The following HLCS variants were observed in gnomAD, a reference collection of about 807,000 sequenced individuals.
HLCS encodes the protein biotin--protein ligase.
Under a neutral mutation model 75.0 loss-of-function variants are expected in HLCS, and 53 were observed. That is an observed-to-expected ratio of 0.71 (90% CI 0.57 to 0.89). The LOEUF is 0.89. Among genes scored for constraint, HLCS ranks in the 40% least tolerant of loss-of-function variants. The pLI is 0.00. For missense variants in HLCS, 966 were observed against 1,074.0 expected (o/e 0.90, Z 1.41); for synonymous variants, 431 against 428.6 (o/e 1.01, Z -0.07).
At chr21:36,984,217 C>T (rs1312008901) in intron 1 of HLCS, among the ~76,000 whole-genome samples, 1 of 25,092 alleles carries the variant, frequency 4.0e-5, no homozygotes, top group Non-Finnish European at 1.4e-4. Flanking sequence ...GAGTAGTCCC[C>T]CCTTATCCAC....
In HLCS at chr21:36,989,030, A is replaced by AT. The variant is rs915959020; in HGVS notation, c.-393+1127dup. On this transcript the variant is annotated intron_variant, in intron 1 of 11. Transcript: ENST00000336648. ...TTTCCTTTTAATTTTATTTTATTTT[A>AT]TTTATTTATTTATTTATTTTTTTTG... is the stretch of plus-strand genomic sequence containing the variant. 2.7e-3 allele frequency among the ~76,000 whole-genome samples: 364 copies of AT among 134,178 alleles called. 2 individuals carry two copies. Among genetic ancestry groups the AT allele is most frequent in the African/African-American group, 9.8e-3 (337 of 34,284 alleles). 88.0% of individuals were successfully genotyped at this position (134,178 alleles called of 152,430 possible).
intron 6 of HLCS, among the ~76,000 whole-genome samples, chr21:36,809,159 A>G (rs969865162): frequency 2.6e-5 from 4 of 152,058 alleles, no homozygotes. Flanking sequence ...GATTGCAGTG[A>G]GCCGACATCA....
chr21:36,870,794 G>T (rs2063741594), intron 6 of HLCS, among the ~76,000 whole-genome samples: 2 of 152,166 alleles, frequency 1.3e-5, no homozygotes, highest in Admixed American at 6.5e-5. Flanking sequence ...AGAAGAAAAT[G>T]TTCCTAACTC....
At chr21:36,888,446 ATATATATATATATATAT>A (rs1250967720) in intron 6 of HLCS, among the ~76,000 whole-genome samples, 1,561 of 70,406 alleles carry the variant, frequency 0.022, 142 homozygotes, top group Non-Finnish European at 0.027. Context: ...AAAAAAAAAA[ATATATATATATATATAT>A]ATATATATAT....
rs778750351 is a variant in HLCS, at chr21:36,765,115, A to T, written c.2018T>A (p.Ile673Asn). Reference protein sequence around the residue: ...PVGCALSTLLISIPLRSQLGQ... With the variant: ...PVGCALSTLLNSIPLRSQLGQ... ...CAGCTGGGATCTCAGTGGAATGGAG[A>T]TGAGCAGAGTAGAAAGAGCACATCC... The change falls in exon 8 of 11, where the codon ATC becomes AAC. Residue 673 changes from isoleucine (I) to asparagine (N), a missense_variant. Ile to Asn is a moderately radical substitution (Grantham distance 149). Coordinates refer to ENST00000674895, the MANE Select transcript of HLCS (RefSeq NM_001352514.2). 6.2e-7 allele frequency: 1 copy of T among 1,614,194 alleles called. No individual in the cohort carries two copies. Among genetic ancestry groups the T allele is most frequent in the Admixed American group, 1.7e-5 (1 of 60,026 alleles).
chr21:36,912,764 C>G (rs1045572616), intron 5 of HLCS, among the ~76,000 whole-genome samples: 6 of 152,228 alleles, frequency 3.9e-5, no homozygotes, highest in African/African-American at 1.2e-4. Flanking sequence ...AGCCACCCCC[C>G]CCAACCCCTG....
chr21:36,790,382 G>A (rs940515135), intron 6 of HLCS, among the ~76,000 whole-genome samples: 1 of 152,128 alleles, frequency 6.6e-6, no homozygotes, highest in Admixed American at 6.5e-5. Context: ...CCAGCCTGGC[G>A]ATGGAGTGGG....
At chr21:36,895,868 TC>T (rs2064991376) in intron 6 of HLCS, among the ~76,000 whole-genome samples, 2 of 152,198 alleles carry the variant, frequency 1.3e-5, no homozygotes, top group Admixed American at 6.6e-5. Context: ...TGTTATTCCC[TC>T]CCTCTATAAC....
intron 1 of HLCS, chr21:36,975,043 GC>G (rs1409652156): frequency 1.3e-5 from 2 of 151,974 alleles, no homozygotes; most frequent in Admixed American, 6.6e-5. Context: ...AGTCCTCATG[GC>G]CAGCTCTGGC....
At chr21:36,954,404 G>A (rs1455686281) in intron 2 of HLCS, among the ~76,000 whole-genome samples, 2 of 150,416 alleles carry the variant, frequency 1.3e-5, no homozygotes, top group East Asian at 4.0e-4. Flanking sequence ...CACGAGGTCA[G>A]GAGATCGAGA....
intron 6 of HLCS, among the ~76,000 whole-genome samples, chr21:36,776,164 A>G (rs1383182561): frequency 6.6e-6 from 1 of 152,230 alleles, no homozygotes; most frequent in Non-Finnish European, 1.5e-5. Flanking sequence ...GAAAAGTTAC[A>G]GGAAGAGTAC....
intron 6 of HLCS, among the ~76,000 whole-genome samples, chr21:36,870,957 T>C (rs2063748795): frequency 6.6e-6 from 1 of 152,166 alleles, no homozygotes; most frequent in Admixed American, 6.5e-5. Flanking sequence ...TGAGCAATTA[T>C]AGAGTAAAAT....
At chr21:36,985,769 G>GA (rs781350642) in intron 1 of HLCS, among the ~76,000 whole-genome samples, 265 of 116,650 alleles carry the variant, frequency 2.3e-3, no homozygotes, top group African/African-American at 2.5e-3. Context: ...TGGTCTTGGG[G>GA]AAAAAAAAAA....
intron 6 of HLCS, among the ~76,000 whole-genome samples, chr21:36,878,175 C>CA (rs2064060089): frequency 1.3e-5 from 2 of 151,872 alleles, no homozygotes; most frequent in Non-Finnish European, 2.9e-5. Context: ...ATTTTTTTTC[C>CA]ATCTCTCCTA....
chr21:36,881,418 G>C (rs1390362089), intron 6 of HLCS, among the ~76,000 whole-genome samples: 1 of 152,180 alleles, frequency 6.6e-6, no homozygotes, highest in Non-Finnish European at 1.5e-5. Flanking sequence ...GTTCCAGAAG[G>C]AAACTCCAAT....
At chr21:36,877,893 T>C (rs2064046022) in intron 6 of HLCS, among the ~76,000 whole-genome samples, 1 of 152,170 alleles carries the variant, frequency 6.6e-6, no homozygotes, top group Non-Finnish European at 1.5e-5. Context: ...CCTCTAAAAA[T>C]ATTGTTCCAC....
At chr21:36,814,538 T>C (rs1340686569) in intron 6 of HLCS, among the ~76,000 whole-genome samples, 1 of 152,180 alleles carries the variant, frequency 6.6e-6, no homozygotes, top group Non-Finnish European at 1.5e-5. Context: ...ATGCAAAACA[T>C]TCATAATATG....
chr21:36,989,564 A>T (rs1378365084), intron 1 of HLCS, among the ~76,000 whole-genome samples: 1 of 152,038 alleles, frequency 6.6e-6, no homozygotes, highest in Non-Finnish European at 1.5e-5. Context: ...CCTGACCTCA[A>T]GTGATCTGCC....
chr21:36,947,847 C>T, intron 2 of HLCS: 1 of 985,398 alleles, frequency 1.0e-6, no homozygotes, highest in Non-Finnish European at 1.2e-6. Flanking sequence ...TCTCAACAAC[C>T]CACTGGTACC....
Sources: allele counts gnomAD v4.1 joint callset (sites outside exome capture counted in the v4.1 genomes callset), GRCh38; gene constraint gnomAD v4.1.1; transcripts MANE v1.5; gene names NCBI Gene and HGNC (gene_info 2026-07-23, HGNC 2026-07-21).